Variants in ZNF536 observed in about 807,000 individuals in gnomAD.
ZNF536 encodes zinc finger protein 536.
Under a neutral mutation model 84.5 loss-of-function variants are expected in ZNF536, and 13 were observed. The ratio of observed to expected loss-of-function variants is 0.15; its 90% confidence interval spans 0.10 to 0.24. The LOEUF is 0.24. ZNF536 is among the 10% of genes least tolerant of loss of function. The pLI is 1.00. For synonymous variants in ZNF536, 811 were observed against 742.5 expected (o/e 1.09, Z -1.50); for missense variants, 1,536 against 1,747.5 (o/e 0.88, Z 2.16).
intron 1 of ZNF536, among the ~76,000 whole-genome samples, chr19:30,671,182 AC>A (rs1302148038): frequency 2.6e-5 from 4 of 152,222 alleles, no homozygotes; most frequent in African/African-American, 9.6e-5. Flanking sequence ...AGGGGGTATA[AC>A]TCAGCATGGG....
intron 1 of ZNF536, among the ~76,000 whole-genome samples, chr19:30,403,476 G>A (rs2050137902): frequency 6.6e-6 from 1 of 152,148 alleles, no homozygotes; most frequent in African/African-American, 2.4e-5. Flanking sequence ...TGGCATTTGG[G>A]TAAGAAGGAC....
chr19:30,318,872 G>T (rs1054567236), intron 2 of ZNF536, among the ~76,000 whole-genome samples: 3 of 152,148 alleles, frequency 2.0e-5, no homozygotes, highest in Admixed American at 2.0e-4. Context: ...AGATAGACTG[G>T]ATTTGGAGAG....
At chr19:30,261,717 A>G (rs12979290) in intron 1 of ZNF536, among the ~76,000 whole-genome samples, 1 of 144,438 alleles carries the variant, frequency 6.9e-6, no homozygotes, top group Non-Finnish European at 1.5e-5. Context: ...AAAAAAAAAA[A>G]GAAAAAGAAA....
intron 1 of ZNF536, among the ~76,000 whole-genome samples, chr19:30,249,289 C>G (rs1277454918): frequency 2.8e-5 from 4 of 141,730 alleles, no homozygotes; most frequent in Non-Finnish European, 6.0e-5. Context: ...ATTACTAACA[C>G]TAATGTTAGT....
chr19:30,287,670 GTGGATGGATGGA>G (rs575229970), intron 2 of ZNF536, among the ~76,000 whole-genome samples: 5 of 63,196 alleles, frequency 7.9e-5, no homozygotes, highest in African/African-American at 5.3e-4. Context: ...GGATGGGTGG[GTGGATGGATGGA>G]TGGATGGATG....
At chr19:30,467,143 C>T (rs1473581556) in intron 2 of ZNF536, among the ~76,000 whole-genome samples, 1 of 152,152 alleles carries the variant, frequency 6.6e-6, no homozygotes, top group Non-Finnish European at 1.5e-5. Context: ...CAGCCTTAAC[C>T]ATTTTTAAGA....
intron 1 of ZNF536, among the ~76,000 whole-genome samples, chr19:30,423,896 G>A (rs1030609035): frequency 6.6e-6 from 1 of 152,174 alleles, no homozygotes; most frequent in Non-Finnish European, 1.5e-5. Flanking sequence ...ATTTCAGGGG[G>A]TCAGACACAG....
At chr19:30,624,234 G>A (rs2048594597) in intron 1 of ZNF536, among the ~76,000 whole-genome samples, 1 of 152,114 alleles carries the variant, frequency 6.6e-6, no homozygotes, top group African/African-American at 2.4e-5. Context: ...GTTCCCTCCT[G>A]TCTTTCCAGA....
intron 4 of ZNF536, among the ~76,000 whole-genome samples, chr19:30,551,430 G>A (rs2045778733): frequency 6.6e-6 from 1 of 152,158 alleles, no homozygotes; most frequent in Non-Finnish European, 1.5e-5. Flanking sequence ...TGGGCTGCAA[G>A]CTCCTAGGAA....
At chr19:30,711,771 A>T (rs945123389) in exon 2 of ZNF536, 2 of 152,116 alleles carry the variant, frequency 1.3e-5, no homozygotes, top group African/African-American at 2.4e-5. Flanking sequence ...TTAAAAAAAA[A>T]TTTTGGATGA....
At chr19:30,533,462 A>T (rs75724162) in intron 2 of ZNF536, among the ~76,000 whole-genome samples, 1 of 152,120 alleles carries the variant, frequency 6.6e-6, no homozygotes, top group Non-Finnish European at 1.5e-5. Context: ...TGAAGTTGCA[A>T]CAAGCTGTGA....
At chr19:30,586,912 T>G (rs1025801046) in intron 1 of ZNF536, among the ~76,000 whole-genome samples, 1 of 152,204 alleles carries the variant, frequency 6.6e-6, no homozygotes, top group African/African-American at 2.4e-5. Flanking sequence ...GAGGAAGAGA[T>G]TCAATTAAAA....
intron 2 of ZNF536, among the ~76,000 whole-genome samples, chr19:30,482,112 C>CG (rs1449300369): frequency 2.0e-5 from 3 of 152,064 alleles, no homozygotes; most frequent in Non-Finnish European, 4.4e-5. Context: ...GCAAATTGTG[C>CG]TGCTATAAAT....
intron 2 of ZNF536, among the ~76,000 whole-genome samples, chr19:30,455,201 G>A (rs1418394475): frequency 6.6e-6 from 1 of 151,960 alleles, no homozygotes; most frequent in Non-Finnish European, 1.5e-5. Flanking sequence ...AAGAGATACA[G>A]ATAAATAAAA....
At chr19:30,491,415 G>C (rs946465576) in intron 2 of ZNF536, among the ~76,000 whole-genome samples, 1 of 152,046 alleles carries the variant, frequency 6.6e-6, no homozygotes, top group African/African-American at 2.4e-5. Context: ...GTGTGTTGTG[G>C]GGAGTTCCAG....
chr19:30,322,302 T>C (rs1303186502), intron 2 of ZNF536, among the ~76,000 whole-genome samples: 2 of 152,206 alleles, frequency 1.3e-5, no homozygotes, highest in Admixed American at 6.5e-5. Context: ...AGTTTTTCTA[T>C]ATAAAAAAAT....
intron 1 of ZNF536, among the ~76,000 whole-genome samples, chr19:30,256,122 C>T (rs938523222): frequency 2.0e-5 from 3 of 152,208 alleles, no homozygotes; most frequent in Admixed American, 2.0e-4. Flanking sequence ...CCTATATTTA[C>T]AGCTGTGGAG....
intron 1 of ZNF536, among the ~76,000 whole-genome samples, chr19:30,256,205 G>T (rs8109876): frequency 0.26 from 38,990 of 152,180 alleles, 5,651 homozygotes; most frequent in East Asian, 0.51. Context: ...AAAAAGAGGA[G>T]ACTCAACTTT....
At chr19:30,690,585 C>T (rs928048047) in intron 1 of ZNF536, among the ~76,000 whole-genome samples, 1 of 152,158 alleles carries the variant, frequency 6.6e-6, no homozygotes, top group African/African-American at 2.4e-5. Context: ...CACTAAATGG[C>T]TGCCCTTCAA....
Sources: gnomAD v4.1 joint callset for allele counts (sites outside exome capture counted in the v4.1 genomes callset) on GRCh38, gnomAD v4.1.1 for gene constraint, MANE v1.5 for transcripts, NCBI Gene and HGNC (gene_info 2026-07-23, HGNC 2026-07-21) for gene names.